The following B3GLCT variants were observed in gnomAD, a reference collection of about 807,000 sequenced individuals.
B3GLCT encodes the protein beta-1,3-glucosyltransferase.
A neutral mutation model predicts 63.4 loss-of-function variants in B3GLCT; 65 were observed. The ratio of observed to expected loss-of-function variants is 1.03; its 90% confidence interval spans 0.84 to 1.26. The LOEUF is 1.26. B3GLCT is among the 50% of genes most tolerant of loss of function. The pLI is 0.00. For synonymous variants in B3GLCT, 233 were observed against 219.2 expected (o/e 1.06, Z -0.55); for missense variants, 577 against 604.8 (o/e 0.95, Z 0.48).
Position 31,274,555 on chromosome 13 carries a change from C to CAGTGCCTG in B3GLCT, c.711_718dup (p.Phe240CysfsTer28). 1 of 1,614,202 alleles carries CAGTGCCTG rather than the reference C, an allele frequency of 6.2e-7. No individual in the cohort carries two copies. The highest frequency in any genetic ancestry group is 2.2e-5 in the East Asian group (1 of 44,876). On this transcript the variant is annotated frameshift_variant, in exon 9 of 15. Coordinates refer to ENST00000343307, the MANE Select transcript of B3GLCT (RefSeq NM_194318.4). LOFTEE classifies it high-confidence loss of function. Reference sequence around the variant, plus strand: ...AAAGGCGGAGGACCTCCCCTGACCCCAGTGCCTGAGTTTTGTACCAATGAC... The same window carrying CAGTGCCTG: ...AAAGGCGGAGGACCTCCCCTGACCCCAGTGCCTGAGTGCCTGAGTTTTGTACCAATGAC...
At chr13:31,310,634 G>A (rs1874657191) in intron 12 of B3GLCT, among the ~76,000 whole-genome samples, 1 of 152,222 alleles carries the variant, frequency 6.6e-6, no homozygotes, top group Non-Finnish European at 1.5e-5. Flanking sequence ...CTGGAGTGGG[G>A]TGGCAGGACC....
At chr13:31,286,861 TATATTC>T (rs1475154443) in intron 12 of B3GLCT, 42 bp downstream of exon 12, 3 of 1,365,576 alleles carry the variant, frequency 2.2e-6, no homozygotes, top group Non-Finnish European at 3.1e-6. Flanking sequence ...AAATTCTACA[TATATTC>T]ATATTCAAAA....
chr13:31,202,209 C>T (rs957031969), intron 1 of B3GLCT, among the ~76,000 whole-genome samples: 3 of 152,184 alleles, frequency 2.0e-5, no homozygotes, highest in Non-Finnish European at 4.4e-5. Flanking sequence ...CAAACTAGAG[C>T]ATATTTGTTT....
chr13:31,205,479 A>G (rs1868903102), intron 1 of B3GLCT, among the ~76,000 whole-genome samples: 1 of 152,048 alleles, frequency 6.6e-6, no homozygotes, highest in African/African-American at 2.4e-5. Context: ...CAATCGCTTG[A>G]ACCCAGGAGG....
At chr13:31,204,059 G>A (rs946762620) in intron 1 of B3GLCT, among the ~76,000 whole-genome samples, 1 of 152,216 alleles carries the variant, frequency 6.6e-6, no homozygotes, top group Non-Finnish European at 1.5e-5. Context: ...CTTGCAGCCC[G>A]AAAGGCAAGG....
chr13:31,248,291 A>G (rs2137807339), intron 6 of B3GLCT, among the ~76,000 whole-genome samples: 1 of 152,206 alleles, frequency 6.6e-6, no homozygotes, highest in East Asian at 1.9e-4. Flanking sequence ...ATTTCTGCTT[A>G]TTAGACAGTG....
intron 6 of B3GLCT, among the ~76,000 whole-genome samples, chr13:31,258,275 C>A (rs1871840410): frequency 1.3e-5 from 2 of 152,206 alleles, no homozygotes; most frequent in African/African-American, 4.8e-5. Flanking sequence ...CTTCAATCTT[C>A]CTCATCCAGA....
At chr13:31,241,223 C>G (rs1057340926) in intron 4 of B3GLCT, among the ~76,000 whole-genome samples, 1 of 152,210 alleles carries the variant, frequency 6.6e-6, no homozygotes, top group Non-Finnish European at 1.5e-5. Context: ...GGGGCTCAGC[C>G]CATTAAGGCA....
chr13:31,284,182 T>C (rs981314468), intron 10 of B3GLCT, among the ~76,000 whole-genome samples: 1 of 152,242 alleles, frequency 6.6e-6, no homozygotes, highest in Admixed American at 6.5e-5. Flanking sequence ...AGTCATCATA[T>C]GCAGTGATTC....
At position 31,331,469 on chromosome 13, in the gene B3GLCT, A is replaced by C. The variant is rs912604; in HGVS notation, c.*1801A>C. 6.6e-6 allele frequency: 1 copy of C among 151,172 alleles called. No individual in the cohort carries two copies. Among genetic ancestry groups the C allele is most frequent in the East Asian group, 2.0e-4 (1 of 5,120 alleles). The allele number at this position is 151,172 out of a possible 1,614,324, so 9.4% of individuals were successfully genotyped here. A position where few individuals can be genotyped will look rare whatever the true frequency, so the allele number is the denominator to read the frequency against. On this transcript the variant is annotated 3_prime_UTR_variant, in exon 15 of 15. Transcript: ENST00000343307. ...TACTTTTAAGTGTTTTGTTAATTATATTTACTTTTTGGAATGGTGTAAGCC... is the reference window on the plus strand; with the variant it reads ...TACTTTTAAGTGTTTTGTTAATTATCTTTACTTTTTGGAATGGTGTAAGCC...
chr13:31,240,825 A>T (rs1278978803), intron 4 of B3GLCT, among the ~76,000 whole-genome samples: 1 of 152,170 alleles, frequency 6.6e-6, no homozygotes, highest in Non-Finnish European at 1.5e-5. Flanking sequence ...TCGAGACTTT[A>T]TTGCATTGCT....
At chr13:31,321,821 A>T (rs1875341546) in intron 13 of B3GLCT, among the ~76,000 whole-genome samples, 1 of 118,086 alleles carries the variant, frequency 8.5e-6, no homozygotes, top group Non-Finnish European at 1.8e-5. Flanking sequence ...TACTTGGAGA[A>T]AATAAATTGA....
chr13:31,293,226 T>C (rs2137892508), intron 12 of B3GLCT, among the ~76,000 whole-genome samples: 1 of 152,320 alleles, frequency 6.6e-6, no homozygotes, highest in East Asian at 1.9e-4. Flanking sequence ...TCCAATTATG[T>C]GGTCAGTTTT....
intron 3 of B3GLCT, among the ~76,000 whole-genome samples, chr13:31,228,302 T>G (rs1870203544): frequency 6.6e-6 from 1 of 152,244 alleles, no homozygotes; most frequent in African/African-American, 2.4e-5. Context: ...TTGCAAACCC[T>G]TCTGAACTCA....
In B3GLCT at chr13:31,323,763, C is replaced by T. The variant is rs750555233; in HGVS notation, c.1197C>T (p.Ser399=). Residue 399 remains serine (S), a synonymous_variant, in exon 14 of 15, where the codon AGC becomes AGT. Transcript: ENST00000343307. ...TGGCTCCCACTAGAATGGTCTTCAG[C>T]AGAGAAGCCGTCAGGAGACTTCTCG... is the stretch of plus-strand genomic sequence containing the variant. ...YITGGGGMVF[S]REAVRRLLAS... The T allele has an allele frequency of 1.2e-5, 19 of 1,614,060 alleles. No individual in the cohort carries two copies. The highest frequency in any genetic ancestry group is 1.5e-5 in the Non-Finnish European group (18 of 1,180,030).
intron 3 of B3GLCT, among the ~76,000 whole-genome samples, chr13:31,224,523 G>A (rs570531727): frequency 3.9e-4 from 59 of 152,110 alleles, no homozygotes; most frequent in Non-Finnish European, 6.6e-4. Flanking sequence ...GCAAGACCAG[G>A]AGGCTACTAA....
intron 1 of B3GLCT, among the ~76,000 whole-genome samples, chr13:31,204,029 C>T (rs1361259961): frequency 1.3e-5 from 2 of 152,202 alleles, no homozygotes; most frequent in Non-Finnish European, 2.9e-5. Flanking sequence ...CAGATCTAGT[C>T]TGTCTCTACC....
Position 31,256,367 on chromosome 13 carries a change from T to G in B3GLCT, c.460-4579T>G, listed in dbSNP as rs924250118. On this transcript the variant is annotated intron_variant, in intron 6 of 14. Transcript: ENST00000343307. ...AGTTCAACCATTGTGGAAGACAGTGTGGCGATTCCTCAAGGATCTAGAAAT... is the reference window on the plus strand; with the variant it reads ...AGTTCAACCATTGTGGAAGACAGTGGGGCGATTCCTCAAGGATCTAGAAAT... 2.0e-5 allele frequency among the ~76,000 whole-genome samples: 3 copies of G among 152,198 alleles called. No homozygotes were observed. In the East Asian group the frequency reaches 5.8e-4, roughly 29 times the overall value.
chr13:31,262,043 C>A (rs1187339637), intron 7 of B3GLCT, among the ~76,000 whole-genome samples: 2 of 152,250 alleles, frequency 1.3e-5, no homozygotes, highest in East Asian at 3.9e-4. Flanking sequence ...TTTTTGGGAA[C>A]TGAATTGTGT....
Sources: gnomAD v4.1 joint callset for allele counts (sites outside exome capture counted in the v4.1 genomes callset) on GRCh38, gnomAD v4.1.1 for gene constraint, MANE v1.5 for transcripts, NCBI Gene and HGNC (gene_info 2026-07-23, HGNC 2026-07-21) for gene names.